TMCO6: variants seen among roughly 807,000 people sequenced by gnomAD.
TMCO6 encodes the protein transmembrane and coiled-coil domains 6, also known as transmembrane and coiled-coil domain-containing protein 6.
TMCO6 carries 47 observed loss-of-function variants against 61.8 expected under a neutral mutation model. The observed-to-expected ratio is 0.76, with a 90% CI of 0.60 to 0.97. TMCO6 has a LOEUF of 0.97. Ranked by LOEUF, TMCO6 falls within the 50% of genes least tolerant of loss-of-function variation. The pLI is 0.00. For synonymous variants in TMCO6, 261 were observed against 254.2 expected (o/e 1.03, Z -0.25); for missense variants, 557 against 601.6 (o/e 0.93, Z 0.78).
At chr5:140,605,429 T>G in the TMCO6 span, among the ~76,000 whole-genome samples, 1 of 152,094 alleles carries the variant, frequency 6.6e-6, no homozygotes, top group Non-Finnish European at 1.5e-5. Flanking sequence ...CCTGTAATCC[T>G]AGTGCTTTGG....
In TMCO6 at chr5:140,645,130, CTCTT is replaced by C; in HGVS notation, c.*33_*36del. 6.3e-7 allele frequency: 1 copy of C among 1,596,056 alleles called. No individual in the cohort carries two copies. Among genetic ancestry groups the C allele is most frequent in the East Asian group, 2.2e-5 (1 of 44,774 alleles). ...TTCTCAATGTCACTCATTCCCCTCTCTCTTAACATCAAGCTTGTTTGTCCAGTAG... is the reference window on the plus strand; with the variant it reads ...TTCTCAATGTCACTCATTCCCCTCTCAACATCAAGCTTGTTTGTCCAGTAG... On this transcript the variant is annotated 3_prime_UTR_variant, in exon 12 of 12. Coordinates refer to ENST00000394671, the MANE Select transcript of TMCO6 (RefSeq NM_018502.5).
chr5:140,599,916 TATAAAATAAAATAAAATAAA>T, the TMCO6 span, among the ~76,000 whole-genome samples: 1 of 144,210 alleles, frequency 6.9e-6, no homozygotes, highest in African/African-American at 2.6e-5. Context: ...TCAAATAAAA[TATAAAATAAAATAAAATAAA>T]ATAAAATAAA....
downstream of TMCO6, among the ~76,000 whole-genome samples, chr5:140,646,370 A>G (rs1220336675): frequency 6.6e-6 from 1 of 152,050 alleles, no homozygotes; most frequent in Non-Finnish European, 1.5e-5. Flanking sequence ...ACAATACACT[A>G]AAGTTACTCG....
chr5:140,615,415 T>C, the TMCO6 span, among the ~76,000 whole-genome samples: 1 of 152,130 alleles, frequency 6.6e-6, no homozygotes, highest in Non-Finnish European at 1.5e-5. Context: ...TTCAATGGCT[T>C]TTTTTTTCAG....
chr5:140,610,210 A>G, the TMCO6 span, among the ~76,000 whole-genome samples: 36 of 128,422 alleles, frequency 2.8e-4, no homozygotes, highest in South Asian at 8.2e-4. Context: ...AAAAAAAAAA[A>G]GCCAGGCGTG....
the TMCO6 span, chr5:140,609,411 T>C: frequency 4.4e-6 from 1 of 226,838 alleles, no homozygotes; most frequent in South Asian, 5.9e-5. Flanking sequence ...TGAGCCACCC[T>C]CCCCTGTGAG....
chr5:140,634,354 T>C, the TMCO6 span, among the ~76,000 whole-genome samples: 217 of 150,790 alleles, frequency 1.4e-3, 4 homozygotes, highest in Middle Eastern at 0.024. Context: ...CAAAACAAAA[T>C]GAAAAAAACA....
At chr5:140,638,308 GAAGGGGTGCCTGT>G (rs1370464294), upstream of TMCO6, among the ~76,000 whole-genome samples, 2 of 152,178 alleles carry the variant, frequency 1.3e-5, no homozygotes, top group Non-Finnish European at 2.9e-5. Flanking sequence ...GAGGAAAGGG[GAAGGGGTGCCTGT>G]AATGAACTAG....
In TMCO6 at chr5:140,642,979, C is replaced by T; in HGVS notation, c.744C>T (p.Gly248=). ...ACATGCTACAAATGTTGCAACCTGG[C>T]CCAAAGCTCAACCCTGGGGTCGCTG... is the stretch of plus-strand genomic sequence containing the variant. ...PQHMLQMLQP[G]PKLNPGVAVE... is the part of the protein sequence containing the mutation. Residue 248 remains glycine, a synonymous_variant, in exon 7 of 12, where the codon GGC becomes GGT. Coordinates refer to ENST00000394671, the MANE Select transcript of TMCO6 (RefSeq NM_018502.5). 1.2e-6 allele frequency: 2 copies of T among 1,614,208 alleles called. No homozygotes were observed. Among genetic ancestry groups the T allele is most frequent in the Non-Finnish European group, 1.7e-6 (2 of 1,180,034 alleles).
chr5:140,647,581 C>T (rs780294618), downstream of TMCO6: 2 of 1,609,970 alleles, frequency 1.2e-6, no homozygotes, highest in East Asian at 2.2e-5. Context: ...CGGCCGCCGC[C>T]ATCCTTGTTA....
At chr5:140,643,408 G>T in intron 7 of TMCO6, 156 bp from the exon 8 acceptor site, 1 of 735,290 alleles carries the variant, frequency 1.4e-6, no homozygotes, top group Non-Finnish European at 2.4e-6. Context: ...TGTTGGCCAG[G>T]CTGGTCTCAA....
At position 140,639,777 on chromosome 5, in the gene TMCO6, A is replaced by C. The variant is rs755564566; in HGVS notation, c.124A>C (p.Lys42Gln). 7 of 1,607,670 alleles carry C rather than the reference A, an allele frequency of 4.4e-6. No individual in the cohort carries two copies. In the Admixed American group the frequency reaches 8.5e-5, roughly 19 times the overall value. ...KARREQQLVS[K>Q]RLLRNDAPEE... ...GCGGAGGGAGCAGCAGCTGGTCAGC[A>C]AGAGGCTGCTGAGAAACGACGCCCC... The change falls in exon 2 of 12, where the codon AAG becomes CAG. Residue 42 changes from lysine (K) to glutamine (Q), a missense_variant. Transcript: ENST00000394671.
At chr5:140,597,496 A>G in the TMCO6 span, among the ~76,000 whole-genome samples, 1 of 152,244 alleles carries the variant, frequency 6.6e-6, no homozygotes, top group African/African-American at 2.4e-5. Flanking sequence ...GACCTCTGGT[A>G]TAACCATATC....
the TMCO6 span, chr5:140,632,180 G>A: frequency 1.2e-6 from 2 of 1,613,912 alleles, no homozygotes. This position sits in a 1 kb window ranked among gnomAD's most constrained non-coding sequence, Gnocchi z 6.2. Context: ...ATCTCGGAGC[G>A]CTAGGGTTTA....
chr5:140,604,814 T>C, the TMCO6 span, among the ~76,000 whole-genome samples: 1 of 149,692 alleles, frequency 6.7e-6, no homozygotes, highest in Non-Finnish European at 1.5e-5. Flanking sequence ...AGCTACCCAG[T>C]TTTCTCAGCA....
At chr5:140,612,433 G>A in the TMCO6 span, among the ~76,000 whole-genome samples, 4 of 141,100 alleles carry the variant, frequency 2.8e-5, no homozygotes, top group Middle Eastern at 0.013. Context: ...TCCGCCTCCC[G>A]GGTTCACGCC....
At chr5:140,636,484 T>TA (rs1756773871), upstream of TMCO6, among the ~76,000 whole-genome samples, 2 of 146,456 alleles carry the variant, frequency 1.4e-5, no homozygotes, top group African/African-American at 5.2e-5. Flanking sequence ...AAAAAATAAA[T>TA]AAATAAAATA....
chr5:140,640,571 G>A (rs1756961427), intron 2 of TMCO6, among the ~76,000 whole-genome samples: 1 of 151,936 alleles, frequency 6.6e-6, no homozygotes, highest in Non-Finnish European at 1.5e-5. Flanking sequence ...ACTAATTTTT[G>A]TATTTTAAGT....
the TMCO6 span, among the ~76,000 whole-genome samples, chr5:140,602,305 A>G: frequency 2.2e-4 from 33 of 152,274 alleles, no homozygotes; most frequent in East Asian, 6.4e-3. Context: ...CACCTCTGTG[A>G]TGACCTCACT....
Sources: gnomAD v4.1 joint callset for allele counts (sites outside exome capture counted in the v4.1 genomes callset) on GRCh38, gnomAD v4.1.1 for gene constraint, Gnocchi (gnomAD v3.1) non-coding constraint, MANE v1.5 for transcripts, NCBI Gene and HGNC (gene_info 2026-07-23, HGNC 2026-07-21) for gene names.